DPP10: variants seen among roughly 807,000 people sequenced by gnomAD.
The protein encoded by DPP10 is dipeptidyl peptidase like 10.
DPP10 carries 33 observed loss-of-function variants against 120.9 expected under a neutral mutation model. The observed-to-expected ratio is 0.27, with a 90% CI of 0.21 to 0.37. The LOEUF (loss-of-function observed/expected upper bound fraction) is 0.37, where lower values mean the gene tolerates loss of function less well. Ranked by LOEUF, DPP10 falls within the 10% of genes least tolerant of loss-of-function variation. The pLI, the probability that DPP10 is intolerant of heterozygous loss-of-function variation, is 1.00. For synonymous variants in DPP10, 337 were observed against 326.1 expected (o/e 1.03, Z -0.36); for missense variants, 816 against 942.8 (o/e 0.87, Z 1.76).
chr2:114,443,890 A>T (rs1038155828), intron 1 of DPP10, among the ~76,000 whole-genome samples: 2 of 152,116 alleles, frequency 1.3e-5, no homozygotes, highest in Non-Finnish European at 2.9e-5. Flanking sequence ...TGTAATTACA[A>T]AAGGAATATA....
At chr2:115,658,500 G>C in intron 5 of DPP10, among the ~76,000 whole-genome samples, 1 of 151,796 alleles carries the variant, frequency 6.6e-6, no homozygotes. Context: ...ACTCATCAAA[G>C]TGTTAACATC....
intron 1 of DPP10, among the ~76,000 whole-genome samples, chr2:114,772,020 A>T (rs760592274): frequency 4.6e-5 from 7 of 152,018 alleles, no homozygotes; most frequent in Non-Finnish European, 1.0e-4. Flanking sequence ...TCCTGAGATA[A>T]TCTTTTTCCA....
At chr2:115,023,599 A>G (rs1404427560) in intron 1 of DPP10, among the ~76,000 whole-genome samples, 1 of 152,194 alleles carries the variant, frequency 6.6e-6, no homozygotes, top group Non-Finnish European at 1.5e-5. Flanking sequence ...TTCCTTAAAG[A>G]ACTAGAAGTA....
intron 3 of DPP10, among the ~76,000 whole-genome samples, chr2:115,377,331 T>A (rs2065890437): frequency 6.6e-6 from 1 of 152,204 alleles, no homozygotes; most frequent in Admixed American, 6.5e-5. Flanking sequence ...CATGTGTTTT[T>A]TGGCTGCATA....
At chr2:114,808,102 C>CCCTTTTATTAT (rs1684887930) in intron 1 of DPP10, among the ~76,000 whole-genome samples, 1 of 152,162 alleles carries the variant, frequency 6.6e-6, no homozygotes, top group African/African-American at 2.4e-5. Context: ...TATGAACACA[C>CCCTTTTATTAT]GTCCTTTTAT....
At chr2:115,493,854 A>G (rs2076256137) in intron 3 of DPP10, among the ~76,000 whole-genome samples, 1 of 152,186 alleles carries the variant, frequency 6.6e-6, no homozygotes, top group South Asian at 2.1e-4. Flanking sequence ...ATGGAGAACA[A>G]GGTGGAAACC....
chr2:115,641,529 C>T (rs1281913644), intron 5 of DPP10, among the ~76,000 whole-genome samples: 1 of 152,192 alleles, frequency 6.6e-6, no homozygotes, highest in Non-Finnish European at 1.5e-5. Flanking sequence ...CCCACTCTCT[C>T]CCTCTATCCT....
At chr2:115,425,513 T>TA (rs2070374167) in intron 3 of DPP10, among the ~76,000 whole-genome samples, 1 of 152,170 alleles carries the variant, frequency 6.6e-6, no homozygotes. Flanking sequence ...GGTATATTCA[T>TA]AACAGTATTT....
chr2:115,286,017 A>G (rs953120911), intron 1 of DPP10, among the ~76,000 whole-genome samples: 57 of 149,756 alleles, frequency 3.8e-4, no homozygotes, highest in East Asian at 2.2e-4. Flanking sequence ...CATTAGCTCT[A>G]ATAAATAAAG....
chr2:114,847,515 T>C (rs1182125204), intron 1 of DPP10, among the ~76,000 whole-genome samples: 2 of 152,194 alleles, frequency 1.3e-5, no homozygotes, highest in African/African-American at 4.8e-5. Context: ...CTTCCAACTC[T>C]TGTAACAGTG....
At chr2:115,576,661 A>G (rs1452037349) in intron 5 of DPP10, among the ~76,000 whole-genome samples, 3 of 152,138 alleles carry the variant, frequency 2.0e-5, no homozygotes, top group Non-Finnish European at 4.4e-5. Context: ...TCCAGAAGAG[A>G]ACAAATTGAT....
chr2:114,811,640 T>C (rs1002364294), intron 1 of DPP10, among the ~76,000 whole-genome samples: 1 of 151,304 alleles, frequency 6.6e-6, no homozygotes, highest in African/African-American at 2.4e-5. Context: ...TCACCCCTCA[T>C]GTCACCATTA....
intron 1 of DPP10, among the ~76,000 whole-genome samples, chr2:114,742,289 A>T (rs1678138622): frequency 6.6e-6 from 1 of 152,182 alleles, no homozygotes; most frequent in African/African-American, 2.4e-5. Flanking sequence ...ACTAATGTTG[A>T]CTAATGTTAA....
intron 1 of DPP10, among the ~76,000 whole-genome samples, chr2:114,725,808 A>C (rs2105922817): frequency 6.6e-6 from 1 of 152,332 alleles, no homozygotes; most frequent in Admixed American, 6.5e-5. Flanking sequence ...CCAGTCATTA[A>C]GTCTTCCCCT....
intron 1 of DPP10, among the ~76,000 whole-genome samples, chr2:114,710,014 C>G (rs1700922126): frequency 6.6e-6 from 1 of 152,224 alleles, no homozygotes; most frequent in South Asian, 2.1e-4. Flanking sequence ...GGAGGCCACA[C>G]TCTTTTGAGC....
intron 1 of DPP10, among the ~76,000 whole-genome samples, chr2:115,200,662 T>C (rs189823966): frequency 1.3e-5 from 2 of 152,360 alleles, no homozygotes; most frequent in African/African-American, 4.8e-5. Flanking sequence ...TGTCAATGCC[T>C]TTTGATATTT....
chr2:114,572,773 A>G (rs755790400), intron 1 of DPP10, among the ~76,000 whole-genome samples: 1 of 152,196 alleles, frequency 6.6e-6, no homozygotes, highest in Non-Finnish European at 1.5e-5. Flanking sequence ...AAACTGGTCC[A>G]TGGGGATGAC....
intron 1 of DPP10, among the ~76,000 whole-genome samples, chr2:115,285,100 G>A (rs1224119236): frequency 1.3e-5 from 2 of 151,904 alleles, no homozygotes; most frequent in African/African-American, 4.8e-5. Flanking sequence ...GGTATTCTTA[G>A]GAATTCTGTG....
chr2:115,037,817 T>C (rs1704333496), intron 1 of DPP10, among the ~76,000 whole-genome samples: 1 of 152,232 alleles, frequency 6.6e-6, no homozygotes, highest in Admixed American at 6.5e-5. Context: ...GTCTTTTAAC[T>C]TGTCATCCAG....
Sources: gnomAD v4.1 joint callset for allele counts (sites outside exome capture counted in the v4.1 genomes callset) on GRCh38, gnomAD v4.1.1 for gene constraint, MANE v1.5 for transcripts, NCBI Gene and HGNC (gene_info 2026-07-23, HGNC 2026-07-21) for gene names.